The following PDE7B variants were observed in gnomAD, a reference collection of about 807,000 sequenced individuals.
PDE7B encodes 3',5'-cyclic-AMP phosphodiesterase 7B.
In PDE7B, 29 loss-of-function variants were observed where a neutral mutation model predicts 56.2. The observed-to-expected ratio is 0.52, with a 90% CI of 0.38 to 0.70. The LOEUF is 0.70. Among genes scored for constraint, PDE7B ranks in the 30% least tolerant of loss-of-function variants. The pLI is 0.00. For synonymous variants in PDE7B, 197 were observed against 196.9 expected (o/e 1.00, Z 0.00); for missense variants, 490 against 565.0 (o/e 0.87, Z 1.35).
chr6:135,913,966 A>G (rs1413101001), intron 1 of PDE7B, among the ~76,000 whole-genome samples: 1 of 152,184 alleles, frequency 6.6e-6, no homozygotes, highest in Non-Finnish European at 1.5e-5. Flanking sequence ...AGTGATTGAC[A>G]TATGTTTTCC....
intron 2 of PDE7B, among the ~76,000 whole-genome samples, chr6:136,091,882 A>G (rs1777393261): frequency 6.6e-6 from 1 of 152,214 alleles, no homozygotes; most frequent in Non-Finnish European, 1.5e-5. Flanking sequence ...GTTTGAAGTA[A>G]AAAGCAATAC....
chr6:135,854,994 TAGAG>T (rs1774999489), intron 1 of PDE7B, among the ~76,000 whole-genome samples: 2 of 152,216 alleles, frequency 1.3e-5, no homozygotes, highest in East Asian at 1.9e-4. Flanking sequence ...GATGTGTACT[TAGAG>T]AGTGATTTCA....
At chr6:136,060,175 T>C (rs1776813439) in intron 2 of PDE7B, among the ~76,000 whole-genome samples, 1 of 152,218 alleles carries the variant, frequency 6.6e-6, no homozygotes, top group South Asian at 2.1e-4. Flanking sequence ...AGCTAATCAT[T>C]ATTTTGCAGA....
chr6:135,916,392 C>CTTTTTTTTTT (rs566408380), intron 1 of PDE7B, among the ~76,000 whole-genome samples: 129 of 96,292 alleles, frequency 1.3e-3, no homozygotes, highest in East Asian at 3.1e-3. Flanking sequence ...TCTTTTCTTT[C>CTTTTTTTTTT]TTTTTTTTTT....
chr6:135,887,535 A>G (rs893900653), intron 1 of PDE7B, among the ~76,000 whole-genome samples: 1 of 152,198 alleles, frequency 6.6e-6, no homozygotes, highest in African/African-American at 2.4e-5. Flanking sequence ...CAATATTGAC[A>G]AAGATACTAA....
intron 2 of PDE7B, chr6:136,048,903 A>G (rs1366714925): frequency 6.6e-6 from 1 of 152,202 alleles, no homozygotes; most frequent in Non-Finnish European, 1.5e-5. Context: ...ATAATATAGA[A>G]ATAATCAAGC....
chr6:136,191,037 T>TTTTTTTTTTTTTTTTTTTA (rs1471563191), intron 12 of PDE7B, among the ~76,000 whole-genome samples: 4 of 143,166 alleles, frequency 2.8e-5, no homozygotes, highest in African/African-American at 1.1e-4. Flanking sequence ...TTTTTTTTTT[T>TTTTTTTTTTTTTTTTTTTA]ACTTATATGT....
At chr6:135,999,578 A>T (rs1009804872) in intron 2 of PDE7B, among the ~76,000 whole-genome samples, 1 of 152,094 alleles carries the variant, frequency 6.6e-6, no homozygotes, top group African/African-American at 2.4e-5. Context: ...CCATGTTTCC[A>T]CAAAAGACAT....
At chr6:136,146,899 G>A (rs1778422010) in intron 3 of PDE7B, among the ~76,000 whole-genome samples, 2 of 152,176 alleles carry the variant, frequency 1.3e-5, no homozygotes, top group South Asian at 2.1e-4. Context: ...TAGGCCGGGT[G>A]CAGTGGCTCT....
In PDE7B at chr6:135,951,827, CTT is replaced by C. The variant is rs1774707016; in HGVS notation, c.82+4305_82+4306del. Among the ~76,000 whole-genome samples the C allele has an allele frequency of 2.6e-5, 4 of 152,154 alleles. No individual in the cohort carries two copies. The South Asian group carries it at 8.3e-4, about 32-fold the overall frequency. ...TGACTATTAGAATGTACAATAAGCA[CTT>C]TCTTACCTGCCATAACTTAGAAGGG... On this transcript the variant is annotated intron_variant, in intron 2 of 12. Coordinates refer to ENST00000308191, the MANE Select transcript of PDE7B (RefSeq NM_018945.4).
At chr6:136,014,981 C>A (rs905104942) in intron 2 of PDE7B, among the ~76,000 whole-genome samples, 2 of 152,302 alleles carry the variant, frequency 1.3e-5, no homozygotes, top group East Asian at 1.9e-4. Context: ...TGAAAAATTA[C>A]GTTGAATATC....
intron 2 of PDE7B, among the ~76,000 whole-genome samples, chr6:136,075,605 G>A (rs1258895235): frequency 6.6e-6 from 1 of 152,212 alleles, no homozygotes; most frequent in Non-Finnish European, 1.5e-5. Flanking sequence ...TCTGGGTGAA[G>A]TGTGGTTGCA....
intron 8 of PDE7B, among the ~76,000 whole-genome samples, chr6:136,160,981 G>A (rs951168077): frequency 5.3e-5 from 8 of 152,200 alleles, no homozygotes; most frequent in African/African-American, 1.9e-4. Context: ...ATAATTCATA[G>A]ATAAAAACAA....
At chr6:136,167,093 C>G (rs1302622337) in intron 8 of PDE7B, among the ~76,000 whole-genome samples, 3 of 151,962 alleles carry the variant, frequency 2.0e-5, no homozygotes, top group Non-Finnish European at 4.4e-5. Context: ...TGACTAACTC[C>G]CTCCTGCCTT....
intron 1 of PDE7B, among the ~76,000 whole-genome samples, chr6:135,917,643 A>C (rs1773981883): frequency 6.6e-6 from 1 of 151,378 alleles, no homozygotes; most frequent in Non-Finnish European, 1.5e-5. Context: ...TAAATTTTTC[A>C]TTTCCTTTGC....
At position 136,192,647 on chromosome 6, in the gene PDE7B, G is replaced by T. The variant is rs1444788339; in HGVS notation, c.*807G>T. 1.3e-5 allele frequency: 2 copies of T among 152,526 alleles called. No individual in the cohort carries two copies. Among genetic ancestry groups the T allele is most frequent in the Admixed American group, 6.5e-5 (1 of 15,278 alleles). 9.4% of individuals were successfully genotyped at this position (152,526 alleles called of 1,614,324 possible). ...TGTACATTTTCTGTAAATACCAAACGCTACTGATTCCCATGCCAAAATACA... is the reference window on the plus strand; with the variant it reads ...TGTACATTTTCTGTAAATACCAAACTCTACTGATTCCCATGCCAAAATACA... On this transcript the variant is annotated 3_prime_UTR_variant, in exon 13 of 13. Coordinates refer to ENST00000308191, the MANE Select transcript of PDE7B (RefSeq NM_018945.4).
chr6:136,006,923 T>C (rs1486596259), intron 2 of PDE7B, among the ~76,000 whole-genome samples: 1 of 152,234 alleles, frequency 6.6e-6, no homozygotes, highest in Non-Finnish European at 1.5e-5. Context: ...CTGATTGCTA[T>C]GGCCAGGACT....
intron 2 of PDE7B, among the ~76,000 whole-genome samples, chr6:136,028,284 TAA>T (rs1776186717): frequency 6.6e-6 from 1 of 152,172 alleles, no homozygotes; most frequent in Non-Finnish European, 1.5e-5. Context: ...CCAAAATGGA[TAA>T]GAGGTCCTGC....
intron 3 of PDE7B, among the ~76,000 whole-genome samples, chr6:136,128,374 A>G (rs965111935): frequency 2.0e-5 from 3 of 152,198 alleles, no homozygotes; most frequent in Non-Finnish European, 2.9e-5. Context: ...ATTCTAATGC[A>G]TGAGACAAAG....
Sources: gnomAD v4.1 joint callset for allele counts (sites outside exome capture counted in the v4.1 genomes callset) on GRCh38, gnomAD v4.1.1 for gene constraint, MANE v1.5 for transcripts, NCBI Gene and HGNC (gene_info 2026-07-23, HGNC 2026-07-21) for gene names.